Variants in VTI1A observed in about 807,000 individuals in gnomAD.
The protein encoded by VTI1A is vesicle transport through interaction with t-SNAREs homolog 1A.
A neutral mutation model predicts 34.9 loss-of-function variants in VTI1A; 22 were observed. The ratio of observed to expected loss-of-function variants is 0.63; its 90% CI spans 0.45 to 0.90. The LOEUF (loss-of-function observed/expected upper bound fraction) is 0.90. Ranked by LOEUF, VTI1A falls within the 40% of genes least tolerant of loss-of-function variation. VTI1A has a pLI of 0.00. For synonymous variants in VTI1A, 87 were observed against 97.3 expected, an observed-to-expected ratio of 0.89 and a Z score of 0.62; for missense variants, 268 against 275.6, an observed-to-expected ratio of 0.97 and a Z score of 0.20.
chr10:112,495,199 T>C (rs1848969110), intron 3 of VTI1A, among the ~76,000 whole-genome samples: 1 of 134,514 alleles, frequency 7.4e-6, no homozygotes, highest in Non-Finnish European at 1.6e-5. Context: ...TAATGGTCTT[T>C]TTTTTTTTTT....
rs894362502 is a variant in VTI1A, at chr10:112,815,562, G to C, written c.*179G>C. ...TATTTTCTATTCCTGTTTGCATGTG[G>C]GTTGGTTTCCTTTTCGAGGTTTGTC... On this transcript the variant is annotated 3_prime_UTR_variant, in exon 8 of 8. Transcript: ENST00000393077. 1.7e-6 allele frequency: 1 copy of C among 594,444 alleles called. No individual in the cohort carries two copies. The highest frequency in any genetic ancestry group is 1.9e-5 in the African/African-American group (1 of 53,690). 36.8% of individuals were successfully genotyped at this position (594,444 alleles called of 1,614,324 possible).
chr10:112,761,097 C>T (rs1362819133), intron 7 of VTI1A, among the ~76,000 whole-genome samples: 1 of 152,114 alleles, frequency 6.6e-6, no homozygotes, highest in Non-Finnish European at 1.5e-5. Context: ...AAGTCAACCT[C>T]TTACTCAGGC....
At chr10:112,671,904 C>T (rs1295082421) in intron 7 of VTI1A, 1 of 152,104 alleles carries the variant, frequency 6.6e-6, no homozygotes, top group East Asian at 1.9e-4. Flanking sequence ...TATTCATTTC[C>T]TTAGTAAATA....
the VTI1A span, among the ~76,000 whole-genome samples, chr10:112,838,151 A>G: frequency 6.6e-6 from 1 of 152,096 alleles, no homozygotes; most frequent in Non-Finnish European, 1.5e-5. Flanking sequence ...GGAGGAAAAG[A>G]CCCCAAGAGG....
intron 5 of VTI1A, among the ~76,000 whole-genome samples, chr10:112,594,403 C>T (rs1415266142): frequency 2.0e-5 from 3 of 152,040 alleles, no homozygotes; most frequent in Non-Finnish European, 2.9e-5. Context: ...GATTGTATAT[C>T]TAGAAAACCC....
At chr10:112,605,311 G>A (rs1845035124) in intron 5 of VTI1A, among the ~76,000 whole-genome samples, 1 of 152,168 alleles carries the variant, frequency 6.6e-6, no homozygotes, top group Non-Finnish European at 1.5e-5. Context: ...ACACTGTACT[G>A]TAAGAACAGT....
At chr10:112,625,752 G>A (rs1284805380) in intron 5 of VTI1A, among the ~76,000 whole-genome samples, 1 of 152,104 alleles carries the variant, frequency 6.6e-6, no homozygotes, top group Non-Finnish European at 1.5e-5. Context: ...GACTTAGGGG[G>A]AAAGGGTGGG....
chr10:112,629,626 A>G (rs1233433577), intron 5 of VTI1A, among the ~76,000 whole-genome samples: 2 of 152,260 alleles, frequency 1.3e-5, no homozygotes, highest in Non-Finnish European at 2.9e-5. Context: ...TTTAACGCAG[A>G]AGTTATTTTA....
At chr10:112,471,933 C>G (rs994433785) in intron 3 of VTI1A, among the ~76,000 whole-genome samples, 1 of 151,964 alleles carries the variant, frequency 6.6e-6, no homozygotes, top group Non-Finnish European at 1.5e-5. Context: ...AATGTTTGAC[C>G]AAGTCTCAGT....
chr10:112,824,395 G>C, the VTI1A span: 1 of 152,372 alleles, frequency 6.6e-6, no homozygotes, highest in Non-Finnish European at 1.5e-5. Flanking sequence ...GGCCAACATG[G>C]TGAAACCCTG....
chr10:112,469,258 T>A (rs1848001928), intron 3 of VTI1A, among the ~76,000 whole-genome samples: 1 of 152,224 alleles, frequency 6.6e-6, no homozygotes. Flanking sequence ...AACCTTTTTT[T>A]TCATTATCAC....
chr10:112,738,997 C>T (rs1256895775), intron 7 of VTI1A, among the ~76,000 whole-genome samples: 2 of 152,158 alleles, frequency 1.3e-5, no homozygotes, highest in South Asian at 2.1e-4. Context: ...GCATGCAGCC[C>T]CTCAGGGTCA....
intron 1 of VTI1A, 128 bp from the exon 2 acceptor site, chr10:112,460,396 A>G: frequency 2.6e-6 from 2 of 754,902 alleles, no homozygotes; most frequent in Middle Eastern, 4.1e-4. Context: ...AAAGAATGAT[A>G]TGCTCTTTTG....
At position 112,447,833 on chromosome 10, in the gene VTI1A, A is replaced by G. The variant is rs115448968; in HGVS notation, c.94+366A>G. Among the ~76,000 whole-genome samples, 340 of 152,336 alleles carry G rather than the reference A, an allele frequency of 2.2e-3. 2 individuals are homozygous for G. The highest frequency in any genetic ancestry group is 7.7e-3 in the African/African-American group (320 of 41,564). On this transcript the variant is annotated intron_variant, in intron 1 of 7. Coordinates refer to ENST00000393077, the MANE Select transcript of VTI1A (RefSeq NM_145206.4). ...AAAGTATGTAGCCTATGGATCTACA[A>G]TCTACAGCGGCGTTGTTGTGTTAGT...
intron 3 of VTI1A, among the ~76,000 whole-genome samples, chr10:112,504,740 G>T (rs1589839042): frequency 6.6e-6 from 1 of 152,070 alleles, no homozygotes; most frequent in African/African-American, 2.4e-5. Flanking sequence ...TAATTTACAT[G>T]ACCCCGGCAT....
chr10:112,572,842 C>CCA (rs1481121433), intron 5 of VTI1A, among the ~76,000 whole-genome samples: 1 of 131,910 alleles, frequency 7.6e-6, no homozygotes, highest in African/African-American at 2.8e-5. Flanking sequence ...CCGTCTCAAC[C>CCA]AAAAAAAAAA....
intron 7 of VTI1A, among the ~76,000 whole-genome samples, chr10:112,743,737 G>A (rs7085406): frequency 1.3e-5 from 2 of 152,004 alleles, no homozygotes; most frequent in Non-Finnish European, 2.9e-5. Context: ...TTTCTGCTGT[G>A]TCTCCTTTTT....
At chr10:112,644,840 C>T (rs1350352157) in intron 5 of VTI1A, among the ~76,000 whole-genome samples, 1 of 152,104 alleles carries the variant, frequency 6.6e-6, no homozygotes, top group Non-Finnish European at 1.5e-5. Flanking sequence ...TACTGATTTA[C>T]CAACCTTAAG....
chr10:112,518,577 C>A (rs867552187), intron 3 of VTI1A, among the ~76,000 whole-genome samples: 89 of 103,872 alleles, frequency 8.6e-4, no homozygotes, highest in Admixed American at 2.2e-3. Context: ...CTCTCTCTCT[C>A]TCTCTCTCTC....
Sources: gnomAD v4.1 joint callset for allele counts (sites outside exome capture counted in the v4.1 genomes callset) on GRCh38, gnomAD v4.1.1 for gene constraint, MANE v1.5 for transcripts, NCBI Gene and HGNC (gene_info 2026-07-23, HGNC 2026-07-21) for gene names.